Variants in POGLUT3 observed in about 807,000 individuals in gnomAD.
The protein encoded by POGLUT3 is protein O-glucosyltransferase 3.
Under a neutral mutation model 54.3 loss-of-function variants are expected in POGLUT3, and 48 were observed. The observed-to-expected ratio is 0.88, with a 90% CI of 0.70 to 1.12. POGLUT3 has a LOEUF of 1.12. Ranked by LOEUF, POGLUT3 falls within the 50% of genes most tolerant of loss-of-function variation. The pLI is 0.00. For missense variants in POGLUT3, 629 were observed against 618.7 expected (o/e 1.02, Z -0.18); for synonymous variants, 218 against 237.4 (o/e 0.92, Z 0.75).
chr11:108,474,871 T>C lies in POGLUT3; in HGVS notation c.1480A>G (p.Ile494Val), dbSNP rs1196016451. ...GGCTTTTTCCTGTGGCACTGGCAGA[T>C]GGCTGTGCTATCTTCTGGCTGAGGA... is the stretch of plus-strand genomic sequence containing the variant. ...LVPQPEDSTA[I>V]CQCHRKKPSR... Residue 494 changes from isoleucine to valine, a missense_variant, in exon 8 of 8, where the codon ATC becomes GTC. Ile to Val is a conservative substitution (Grantham distance 29). Coordinates refer to ENST00000323468, the MANE Select transcript of POGLUT3 (RefSeq NM_153705.5). 1 of 1,614,020 alleles carries C rather than the reference T, an allele frequency of 6.2e-7. No homozygotes were observed. Among genetic ancestry groups the C allele is most frequent in the African/African-American group, 1.3e-5 (1 of 74,938 alleles).
rs2093576032 is a variant in POGLUT3, at chr11:108,474,334, G to C, written c.*493C>G. 6.6e-6 allele frequency: 1 copy of C among 152,056 alleles called. No homozygotes were observed. Among genetic ancestry groups the C allele is most frequent in the Admixed American group, 6.6e-5 (1 of 15,260 alleles). The allele number at this position is 152,056 out of a possible 1,614,324, so 9.4% of individuals were successfully genotyped here. A position where few individuals can be genotyped will look rare whatever the true frequency, so the allele number is the denominator to read the frequency against. ...TTTGGTAATGCTTGTTCAAATACAG[G>C]TTGAACATTCCTCATACAAAAATCT... On this transcript the variant is annotated 3_prime_UTR_variant, in exon 8 of 8. Coordinates refer to ENST00000323468, the MANE Select transcript of POGLUT3 (RefSeq NM_153705.5).
In POGLUT3 at chr11:108,477,695, G is replaced by T. The variant is rs760119404; in HGVS notation, c.1310C>A (p.Ala437Asp). The change falls in exon 7 of 8, where the codon GCC becomes GAC. Residue 437 changes from alanine to aspartate, a missense_variant. By Grantham distance (126) the Ala-to-Asp change is moderately radical. Transcript: ENST00000323468. ...VKWAKENDEE[A>D]KKIAKEGQLM... ...CTGTCCTTCTTTTGCAATCTTCTTG[G>T]CTTCTTCATCATTTTCCTGAAAGGT... 1 of 1,610,358 alleles carries T rather than the reference G, an allele frequency of 6.2e-7. No individual in the cohort carries two copies. The highest frequency in any genetic ancestry group is 1.1e-5 in the South Asian group (1 of 90,888).
intron 2 of POGLUT3, among the ~76,000 whole-genome samples, chr11:108,490,073 T>G (rs957404029): frequency 2.6e-5 from 4 of 152,044 alleles, no homozygotes; most frequent in Non-Finnish European, 5.9e-5. Context: ...GAGATGGGTT[T>G]TTGCCATGTT....
At chr11:108,489,849 G>A (rs944333211) in intron 2 of POGLUT3, among the ~76,000 whole-genome samples, 11 of 152,206 alleles carry the variant, frequency 7.2e-5, no homozygotes, top group African/African-American at 2.7e-4. Context: ...GAGAGGCTGA[G>A]GCGGGAGGTT....
intron 7 of POGLUT3, among the ~76,000 whole-genome samples, chr11:108,476,437 A>C (rs1484501754): frequency 6.6e-6 from 1 of 152,108 alleles, no homozygotes; most frequent in Non-Finnish European, 1.5e-5. Flanking sequence ...CCGGCCAAGA[A>C]ATTGTTAAAA....
At chr11:108,497,987 T>C (rs1399068611) in intron 1 of POGLUT3, among the ~76,000 whole-genome samples, 178 bp downstream of exon 1, 16 of 152,048 alleles carry the variant, frequency 1.1e-4, no homozygotes, top group Non-Finnish European at 1.5e-4. Context: ...CAAACTTTCG[T>C]GGTGATTTTT....
chr11:108,489,812 G>C (rs1303332349), intron 2 of POGLUT3, among the ~76,000 whole-genome samples: 1 of 152,188 alleles, frequency 6.6e-6, no homozygotes, highest in Non-Finnish European at 1.5e-5. Context: ...TGGGCATGGT[G>C]GTATGTGCCT....
intron 2 of POGLUT3, among the ~76,000 whole-genome samples, chr11:108,487,546 A>G (rs2135858099): frequency 6.6e-6 from 1 of 152,234 alleles, no homozygotes; most frequent in Admixed American, 6.5e-5. Context: ...AAGCTCTTCA[A>G]ATATTTTAGA....
rs539398134 is a variant in POGLUT3 at position 108,475,470 on chromosome 11, T to TTG, written c.1399-519_1399-518insCA. On this transcript the variant is annotated intron_variant, in intron 7 of 7. Coordinates refer to ENST00000323468, the MANE Select transcript of POGLUT3 (RefSeq NM_153705.5). Reference sequence around the variant, plus strand: ...ATAAATGGAGTTTTTTTTGTTTTTGTTTTTTTTTTTTTTTGAGACACGGTC... The same window carrying TTG: ...ATAAATGGAGTTTTTTTTGTTTTTGTTGTTTTTTTTTTTTTTGAGACACGGTC... Among the ~76,000 whole-genome samples the TTG allele has an allele frequency of 1.1e-3, 147 of 139,240 alleles. 5 individuals are homozygous for TTG. The highest frequency in any genetic ancestry group is 7.2e-3 in the Middle Eastern group (2 of 278). The allele number at this position is 139,240 out of a possible 152,430, so 91.3% of individuals were successfully genotyped here.
In POGLUT3 at chr11:108,474,404, A is replaced by C. The variant is rs140888299; in HGVS notation, c.*423T>G. 6.6e-6 allele frequency: 1 copy of C among 152,366 alleles called. No individual in the cohort carries two copies. The highest frequency in any genetic ancestry group is 6.5e-5 in the Admixed American group (1 of 15,274). The allele number at this position is 152,366 out of a possible 1,614,324, so 9.4% of individuals were successfully genotyped here. A position where few individuals can be genotyped will look rare whatever the true frequency, so the allele number is the denominator to read the frequency against. Reference sequence around the variant, plus strand: ...AATCCAAAACTTTTTGAGTGCTGACACCACCACTTGGGTCGCTAAGATAGT... The same window carrying C: ...AATCCAAAACTTTTTGAGTGCTGACCCCACCACTTGGGTCGCTAAGATAGT... On this transcript the variant is annotated 3_prime_UTR_variant, in exon 8 of 8. Transcript: ENST00000323468.
chr11:108,480,330 G>A (rs76857406), intron 5 of POGLUT3, among the ~76,000 whole-genome samples: 107 of 152,268 alleles, frequency 7.0e-4, no homozygotes, highest in Admixed American at 3.1e-3. Flanking sequence ...AACATAGTAG[G>A]TAAGCTGTCT....
chr11:108,498,228 C>T lies in POGLUT3; in HGVS notation c.139G>A (p.Val47Ile). 1 of 1,515,568 alleles carries T rather than the reference C, an allele frequency of 6.6e-7. No homozygotes were observed. The highest frequency in any genetic ancestry group is 8.8e-7 in the Non-Finnish European group (1 of 1,133,448). The allele number at this position is 1,515,568 out of a possible 1,614,324, so 93.9% of individuals were successfully genotyped here. A position where few individuals can be genotyped will look rare whatever the true frequency, so the allele number is the denominator to read the frequency against. ...ACCGCCTGCAGGTAGAAATAGCGGA[C>T]CGGCAGGACGACGGCCGCCTGCAGC... ...PGLQAAVVLP[V>I]RYFYLQAVNS... is the part of the protein sequence containing the mutation. The change falls in exon 1 of 8, where the codon GTC becomes ATC. Residue 47 changes from valine to isoleucine, a missense_variant. By Grantham distance (29) the Val-to-Ile change is conservative (BLOSUM62 3). Coordinates refer to ENST00000323468, the MANE Select transcript of POGLUT3 (RefSeq NM_153705.5).
intron 7 of POGLUT3, among the ~76,000 whole-genome samples, chr11:108,476,193 G>A (rs1203371337): frequency 1.3e-5 from 2 of 152,114 alleles, no homozygotes; most frequent in Non-Finnish European, 2.9e-5. Context: ...GAGTGCAGTG[G>A]TGCAATCTAG....
At position 108,474,925 on chromosome 11, in the gene POGLUT3, GT is replaced by G; in HGVS notation, c.1425del (p.Lys475AsnfsTer52). On this transcript the variant is annotated frameshift_variant, in exon 8 of 8. Coordinates refer to ENST00000323468, the MANE Select transcript of POGLUT3 (RefSeq NM_153705.5). LOFTEE classifies it high-confidence loss of function. ...LQKYAERQSS[K>X]PEVRDGMELV... is the part of the protein sequence containing the mutation. ...AGTTCCATTCCATCACGTACTTCGG[GT>G]TTGCTGGACTGGCGCTCGGCATATT... 1 of 1,614,028 alleles carries G rather than the reference GT, an allele frequency of 6.2e-7. No individual in the cohort carries two copies. Among genetic ancestry groups the G allele is most frequent in the Non-Finnish European group, 8.5e-7 (1 of 1,179,964 alleles).
Position 108,482,097 on chromosome 11 carries a change from A to G in POGLUT3, c.810T>C (p.Asp270=). 1 of 1,614,104 alleles carries G rather than the reference A, an allele frequency of 6.2e-7. No homozygotes were observed. The highest frequency in any genetic ancestry group is 8.5e-7 in the Non-Finnish European group (1 of 1,179,970). ...TGATGTCATACGTTGGAAGGACAACATCTCTTGAATCCAGAGAGCCACACC... is the reference window on the plus strand; with the variant it reads ...TGATGTCATACGTTGGAAGGACAACGTCTCTTGAATCCAGAGAGCCACACC... ...ISWCGSLDSR[D]VVLPTYDITH... is the part of the protein sequence containing the mutation. Residue 270 remains aspartate (D), a synonymous_variant, in exon 4 of 8, where the codon GAT becomes GAC. Transcript: ENST00000323468.
At chr11:108,482,755 A>G (rs1376856328) in intron 3 of POGLUT3, among the ~76,000 whole-genome samples, 1 of 152,220 alleles carries the variant, frequency 6.6e-6, no homozygotes, top group Non-Finnish European at 1.5e-5. Context: ...CCAAAAAAAT[A>G]GAAAAAGAAA....
intron 3 of POGLUT3, among the ~76,000 whole-genome samples, 167 bp downstream of exon 3, chr11:108,485,990 G>A (rs981880906): frequency 1.3e-5 from 2 of 152,132 alleles, no homozygotes; most frequent in Non-Finnish European, 2.9e-5. Flanking sequence ...TTACAGGAAA[G>A]TAAGATCCAC....
chr11:108,490,951 G>A lies in POGLUT3; in HGVS notation c.400+19C>T. On this transcript the variant is annotated intron_variant, in intron 2 of 7. Coordinates refer to ENST00000323468, the MANE Select transcript of POGLUT3 (RefSeq NM_153705.5). ...ACCTACACACAAGGCTGACTCTGGAGTATATAATAATCACTTACCTTTCAA... is the reference window on the plus strand; with the variant it reads ...ACCTACACACAAGGCTGACTCTGGAATATATAATAATCACTTACCTTTCAA... 1 of 1,595,878 alleles carries A rather than the reference G, an allele frequency of 6.3e-7. No homozygotes were observed. The highest frequency in any genetic ancestry group is 8.6e-7 in the Non-Finnish European group (1 of 1,163,642).
Position 108,498,342 on chromosome 11 carries a change from G to C in POGLUT3, c.25C>G (p.Leu9Val). The change falls in exon 1 of 8, where the codon CTG becomes GTG. Residue 9 changes from leucine to valine, a missense_variant. Transcript: ENST00000323468. MRRLPRAL[L>V]LQLRLALLVA... ...AGCAGGGCGAGGCGCAGCTGCAGCA[G>C]CAGGGCCCGCGGGAGGCGGCGCATG... is the stretch of plus-strand genomic sequence containing the variant. The C allele has an allele frequency of 5.9e-6, 8 of 1,349,326 alleles. No homozygotes were observed. Among genetic ancestry groups the C allele is most frequent in the Non-Finnish European group, 7.6e-6 (8 of 1,053,132 alleles). The allele number at this position is 1,349,326 out of a possible 1,614,324, so 83.6% of individuals were successfully genotyped here. A position where few individuals can be genotyped will look rare whatever the true frequency, so the allele number is the denominator to read the frequency against.
Sources: allele counts gnomAD v4.1 joint callset (sites outside exome capture counted in the v4.1 genomes callset), GRCh38; gene constraint gnomAD v4.1.1; transcripts MANE v1.5; gene names NCBI Gene and HGNC (gene_info 2026-07-23, HGNC 2026-07-21).